Variants in PKIB observed in about 807,000 individuals in gnomAD.
PKIB encodes cAMP-dependent protein kinase inhibitor beta.
In PKIB, 2 loss-of-function variants were observed where a neutral mutation model predicts 4.5. That is an observed-to-expected ratio of 0.44 (90% confidence interval 0.18 to 1.39). The LOEUF (loss-of-function observed/expected upper bound fraction) is 1.39, where lower values mean the gene tolerates loss of function less well. PKIB is among the 40% of genes most tolerant of loss of function. The pLI is 0.27. For synonymous variants in PKIB, 38 were observed against 36.0 expected (o/e 1.06, Z -0.20); for missense variants, 94 against 92.6 (o/e 1.02, Z -0.06).
intron 2 of PKIB, among the ~76,000 whole-genome samples, chr6:122,547,678 G>T (rs1772538137): frequency 6.6e-6 from 1 of 152,078 alleles, no homozygotes; most frequent in Admixed American, 6.5e-5. Flanking sequence ...TGGCTGCCTG[G>T]TCCGGCTCTG....
At chr6:122,586,805 C>T (rs1269758588) in intron 3 of PKIB, among the ~76,000 whole-genome samples, 2 of 152,070 alleles carry the variant, frequency 1.3e-5, no homozygotes, top group Non-Finnish European at 2.9e-5. Context: ...ACATAAGAAA[C>T]AACTCCAAGA....
intron 3 of PKIB, among the ~76,000 whole-genome samples, chr6:122,699,436 C>T (rs192584908): frequency 1.6e-4 from 24 of 152,078 alleles, no homozygotes; most frequent in Admixed American, 5.9e-4. Context: ...AGTTTCAATA[C>T]TCAGTTTGTT....
intron 2 of PKIB, chr6:122,478,017 A>G (rs556005997): frequency 5.9e-5 from 9 of 152,218 alleles, no homozygotes; most frequent in Middle Eastern, 3.4e-3. Flanking sequence ...CCCGCTTTGC[A>G]TCACCTGCAG....
chr6:122,627,441 C>T (rs1238900184), intron 1 of PKIB, among the ~76,000 whole-genome samples: 4 of 152,250 alleles, frequency 2.6e-5, no homozygotes, highest in African/African-American at 7.2e-5. Flanking sequence ...AGTGTATTTA[C>T]TGTTAATATT....
chr6:122,631,092 C>T (rs1162607802), intron 1 of PKIB, among the ~76,000 whole-genome samples: 1 of 152,142 alleles, frequency 6.6e-6, no homozygotes. Flanking sequence ...TCTTTGGAAA[C>T]AGAACAAACA....
At chr6:122,534,629 C>T (rs1052585841) in intron 2 of PKIB, among the ~76,000 whole-genome samples, 5 of 151,978 alleles carry the variant, frequency 3.3e-5, no homozygotes, top group African/African-American at 1.2e-4. Flanking sequence ...AAATAACTAC[C>T]AGCCAAATAC....
chr6:122,669,077 A>T (rs1466960812), intron 2 of PKIB, among the ~76,000 whole-genome samples: 1 of 152,120 alleles, frequency 6.6e-6, no homozygotes, highest in Non-Finnish European at 1.5e-5. Flanking sequence ...AAACAAAAAC[A>T]ATCAGCCTCC....
intron 2 of PKIB, among the ~76,000 whole-genome samples, chr6:122,652,292 TTGTG>T (rs66695664): frequency 0.088 from 12,505 of 141,774 alleles, 666 homozygotes; most frequent in Non-Finnish European, 0.12. Context: ...ATATGTTGGT[TTGTG>T]TGTGTGTGTG....
chr6:122,650,421 A>G lies in PKIB; in HGVS notation c.-76+17054A>G, dbSNP rs117998799. 7.9e-5 allele frequency among the ~76,000 whole-genome samples: 12 copies of G among 152,328 alleles called. No homozygotes were observed. The East Asian group carries it at 2.1e-3, about 27-fold the overall frequency. ...ACTTGGCCTCACTCCATAGTTCAGT[A>G]GTGTTATAACCCTTGTTTATATACA... On this transcript the variant is annotated intron_variant, in intron 2 of 4. Transcript: ENST00000368452.
intron 2 of PKIB, among the ~76,000 whole-genome samples, chr6:122,511,294 A>G (rs1286588820): frequency 6.6e-6 from 1 of 152,166 alleles, no homozygotes; most frequent in Non-Finnish European, 1.5e-5. Context: ...ACAGCATAAA[A>G]CAAATCCATA....
At chr6:122,657,362 T>C (rs1776813027) in intron 2 of PKIB, among the ~76,000 whole-genome samples, 1 of 152,196 alleles carries the variant, frequency 6.6e-6, no homozygotes, top group Admixed American at 6.5e-5. Context: ...TTTTTCAAAG[T>C]GGTTATTCCG....
At chr6:122,578,643 T>A (rs1330059004) in intron 2 of PKIB, among the ~76,000 whole-genome samples, 4 of 152,188 alleles carry the variant, frequency 2.6e-5, no homozygotes, top group African/African-American at 7.2e-5. Context: ...GCTCCTTGCC[T>A]GGGCCCACAG....
At chr6:122,481,997 AGCCC>A (rs1775629620) in intron 2 of PKIB, 3 of 145,026 alleles carry the variant, frequency 2.1e-5, no homozygotes, top group Non-Finnish European at 4.5e-5. Flanking sequence ...GTCTCGCGGT[AGCCC>A]AGGCTGGAAT....
intron 3 of PKIB, among the ~76,000 whole-genome samples, chr6:122,705,918 C>T (rs566906208): frequency 6.6e-6 from 1 of 152,234 alleles, no homozygotes; most frequent in East Asian, 1.9e-4. Context: ...TTCATGATTC[C>T]CTGGTGCTTA....
At chr6:122,574,156 A>G (rs757356474) in intron 2 of PKIB, among the ~76,000 whole-genome samples, 1 of 152,218 alleles carries the variant, frequency 6.6e-6, no homozygotes, top group Non-Finnish European at 1.5e-5. Context: ...CAAGAACTCA[A>G]TCCCTTTTGC....
intron 4 of PKIB, among the ~76,000 whole-genome samples, chr6:122,724,777 C>A (rs751223552): frequency 5.3e-5 from 8 of 152,168 alleles, no homozygotes; most frequent in Non-Finnish European, 7.3e-5. Flanking sequence ...AGGACATACA[C>A]CACGGAGTCA....
intron 3 of PKIB, among the ~76,000 whole-genome samples, chr6:122,586,887 C>A (rs530420625): frequency 1.3e-5 from 2 of 152,260 alleles, no homozygotes; most frequent in Non-Finnish European, 2.9e-5. Context: ...TATTAAGCAA[C>A]TGTTATAACA....
At chr6:122,521,096 G>A (rs1776929692) in intron 2 of PKIB, among the ~76,000 whole-genome samples, 1 of 152,166 alleles carries the variant, frequency 6.6e-6, no homozygotes, top group South Asian at 2.1e-4. Flanking sequence ...GACCAATGCT[G>A]GCTTCAGGTG....
intron 2 of PKIB, among the ~76,000 whole-genome samples, chr6:122,561,994 G>GTTTGTTTTTTTTTTTTTTTTTTTTTTTTT (rs1773031179): frequency 2.4e-5 from 1 of 40,904 alleles, no homozygotes; most frequent in African/African-American, 9.0e-5. Context: ...GTTTGTTTTT[G>GTTTGTTTTTTTTTTTTTTTTTTTTTTTTT]TTTTTTTTTG....
Sources: allele counts gnomAD v4.1 joint callset (sites outside exome capture counted in the v4.1 genomes callset), GRCh38; gene constraint gnomAD v4.1.1; transcripts MANE v1.5; gene names NCBI Gene and HGNC (gene_info 2026-07-23, HGNC 2026-07-21).